The following GPC3 variants were observed in gnomAD, a reference collection of about 807,000 sequenced individuals.
GPC3 encodes the protein glypican 3.
In GPC3, 3 loss-of-function variants were observed where a neutral mutation model predicts 34.4. That is an observed-to-expected ratio of 0.09 (90% confidence interval 0.04 to 0.23). The LOEUF is 0.23. Ranked by LOEUF, GPC3 falls within the 10% of genes least tolerant of loss-of-function variation. The pLI is 1.00. For missense variants in GPC3, 351 were observed against 445.6 expected, an observed-to-expected ratio of 0.79 and a Z score of 1.91; for synonymous variants, 177 against 174.0, an observed-to-expected ratio of 1.02 and a Z score of -0.13.
At position 133,776,878 on chromosome X, in the gene GPC3, C is replaced by CTTTTTTTT. The variant is rs10633635; in HGVS notation, c.338-22710_338-22703dup. Among the ~76,000 whole-genome samples the CTTTTTTTT allele has an allele frequency of 2.5e-3, 198 of 79,528 alleles. 1 individual carries two copies. Among genetic ancestry groups the CTTTTTTTT allele is most frequent in the Non-Finnish European group, 4.1e-3 (170 of 41,404 alleles). The allele number at this position is 79,528 out of a possible 115,157, so 69.1% of individuals were successfully genotyped here. A position where few individuals can be genotyped will look rare whatever the true frequency, so the allele number is the denominator to read the frequency against. ...AGGAAGTAGTCACGTCCTTTCTTTT[C>CTTTTTTTT]TTTTTTTTTTTTTTTTTTTGAGATG... On this transcript the variant is annotated intron_variant, in intron 2 of 7. Transcript: ENST00000370818.
intron 1 of GPC3, among the ~76,000 whole-genome samples, chrX:133,978,712 CCGTT>C (rs1252606886): frequency 8.9e-6 from 1 of 111,918 alleles, no homozygotes; most frequent in African/African-American, 3.2e-5. Context: ...ATTTCTAACT[CCGTT>C]CATTCATTCA....
At chrX:133,673,190 G>T (rs1262994670) in intron 5 of GPC3, among the ~76,000 whole-genome samples, 1 of 111,511 alleles carries the variant, frequency 9.0e-6, no homozygotes, top group Middle Eastern at 4.3e-3. Context: ...CACCTGCCTC[G>T]GCCTCCCAAA....
chrX:133,538,617 A>AT (rs34180192), intron 7 of GPC3, among the ~76,000 whole-genome samples: 4,255 of 93,018 alleles, frequency 0.046, 110 homozygotes, highest in Middle Eastern at 0.11. Context: ...GTTGTGTCTA[A>AT]TTTTTTTTTT....
intron 3 of GPC3, among the ~76,000 whole-genome samples, chrX:133,710,821 CACAA>C (rs1461919916): frequency 8.9e-6 from 1 of 112,077 alleles, no homozygotes; most frequent in Non-Finnish European, 1.9e-5. Context: ...TTATATCTGC[CACAA>C]ACAGAGTCTG....
At chrX:133,769,380 T>C (rs2071889148) in intron 2 of GPC3, among the ~76,000 whole-genome samples, 1 of 112,186 alleles carries the variant, frequency 8.9e-6, no homozygotes, top group African/African-American at 3.2e-5. Context: ...AGATCTTATG[T>C]CAAGTGTTCT....
At chrX:133,761,822 C>T (rs1453711962) in intron 2 of GPC3, among the ~76,000 whole-genome samples, 9 of 111,701 alleles carry the variant, frequency 8.1e-5, no homozygotes, top group Non-Finnish European at 1.3e-4. Flanking sequence ...CTTCTGGACA[C>T]CATAATTTGG....
In GPC3 at chrX:133,661,847, G is replaced by A. The variant is rs946461494; in HGVS notation, c.1296C>T (p.Tyr432=). 1.3e-5 allele frequency: 16 copies of A among 1,195,627 alleles called. No individual in the cohort carries two copies. The highest frequency in any genetic ancestry group is 4.6e-4 in the Middle Eastern group (2 of 4,340). Residue 432 remains tyrosine, a synonymous_variant, in exon 6 of 8, where the codon TAC becomes TAT. Coordinates refer to ENST00000370818, the MANE Select transcript of GPC3 (RefSeq NM_004484.4). ...CWNGQELVER[Y]SQKAARNGMK... ...TTCCATTCCTTGCTGCCTTTTGGCTGTATCTGTAAAGGTGAAGGTAAAGAA... is the reference window on the plus strand; with the variant it reads ...TTCCATTCCTTGCTGCCTTTTGGCTATATCTGTAAAGGTGAAGGTAAAGAA...
At chrX:133,624,846 G>T (rs2070281241) in intron 6 of GPC3, among the ~76,000 whole-genome samples, 1 of 110,162 alleles carries the variant, frequency 9.1e-6, no homozygotes, top group Admixed American at 9.7e-5. Context: ...AAGCCTGGCA[G>T]TGACACAACA....
Position 133,977,950 on chromosome X carries a change from T to C in GPC3, c.175+7325A>G, listed in dbSNP as rs755260057. On this transcript the variant is annotated intron_variant, in intron 1 of 7. Coordinates refer to ENST00000370818, the MANE Select transcript of GPC3 (RefSeq NM_004484.4). ...TTTTTAAATTTTATTTATTTATTTTTGAGACAGAGTCTTCCTCTGTCGCCC... is the reference window on the plus strand; with the variant it reads ...TTTTTAAATTTTATTTATTTATTTTCGAGACAGAGTCTTCCTCTGTCGCCC... Among the ~76,000 whole-genome samples the C allele has an allele frequency of 4.5e-5, 5 of 111,961 alleles. No individual in the cohort carries two copies. The East Asian group carries it at 1.4e-3, about 31-fold the overall frequency.
intron 1 of GPC3, among the ~76,000 whole-genome samples, chrX:133,966,184 T>C (rs1209778471): frequency 8.9e-6 from 1 of 112,462 alleles, no homozygotes; most frequent in African/African-American, 3.2e-5. Context: ...AAAAGCCTCA[T>C]TCTCACTGCT....
chrX:133,861,859 C>T (rs762007755), intron 2 of GPC3, among the ~76,000 whole-genome samples: 11 of 111,750 alleles, frequency 9.8e-5, no homozygotes, highest in Non-Finnish European at 1.9e-4. Context: ...CAGATGCTAG[C>T]ACAATGCTTC....
chrX:133,954,136 G>C (rs1181555165), intron 1 of GPC3, among the ~76,000 whole-genome samples: 1 of 111,789 alleles, frequency 8.9e-6, no homozygotes, highest in Non-Finnish European at 1.9e-5. Flanking sequence ...TAGAGTGACA[G>C]AAAGCAGTTC....
At chrX:133,643,934 T>C (rs1280860924) in intron 6 of GPC3, among the ~76,000 whole-genome samples, 1 of 108,419 alleles carries the variant, frequency 9.2e-6, no homozygotes, top group African/African-American at 3.4e-5. Context: ...TTCAAGCGAT[T>C]CTTGTGCCTC....
In GPC3 at chrX:133,753,726, G is replaced by A; in HGVS notation, c.788C>T (p.Ser263Phe). The change falls in exon 3 of 8, where the codon TCT (serine) becomes TTT (phenylalanine). Residue 263 changes from serine to phenylalanine, a missense_variant. Ser to Phe is a radical substitution (Grantham distance 155). Transcript: ENST00000370818. ...GRMLTRMWYC[S>F]YCQGLMMVKP... is the part of the protein sequence containing the mutation. ...AACCATCATCAGTCCCTGGCAGTAA[G>A]AGCAGTACCACATTCTGGTGAGCAT... is the stretch of plus-strand genomic sequence containing the variant. 8.3e-7 allele frequency: 1 copy of A among 1,211,240 alleles called. No homozygotes were observed. The highest frequency in any genetic ancestry group is 1.1e-6 in the Non-Finnish European group (1 of 894,928).
At chrX:133,810,845 G>A (rs2075660826) in intron 2 of GPC3, among the ~76,000 whole-genome samples, 1 of 85,369 alleles carries the variant, frequency 1.2e-5, no homozygotes, top group Admixed American at 1.6e-4. Context: ...GCGGGTGATA[G>A]AGCAAGACTC....
intron 4 of GPC3, among the ~76,000 whole-genome samples, chrX:133,695,979 T>C (rs914729319): frequency 8.0e-5 from 9 of 111,810 alleles, no homozygotes; most frequent in African/African-American, 2.9e-4. Context: ...GAATCCAAGG[T>C]AGATTTGACT....
chrX:133,926,627 T>A (rs1439391541), intron 2 of GPC3, among the ~76,000 whole-genome samples: 1 of 112,096 alleles, frequency 8.9e-6, no homozygotes, highest in Non-Finnish European at 1.9e-5. Context: ...CAGACTGACG[T>A]CAATGTTTGA....
In GPC3 at chrX:133,944,410, C is replaced by T. The variant is rs182100950; in HGVS notation, c.337+8640G>A. Among the ~76,000 whole-genome samples, 230 of 112,073 alleles carry T rather than the reference C, an allele frequency of 2.1e-3. 1 individual carries two copies. The highest frequency in any genetic ancestry group is 3.3e-3 in the Non-Finnish European group (176 of 53,208). Reference sequence around the variant, plus strand: ...AGGAGTGTCATAAGCATTCCAATTTCCTTTCAACATTTTTGTTCTCCTTCT... The same window carrying T: ...AGGAGTGTCATAAGCATTCCAATTTTCTTTCAACATTTTTGTTCTCCTTCT... On this transcript the variant is annotated intron_variant, in intron 2 of 7. Transcript: ENST00000370818.
chrX:133,665,731 G>A (rs753551812), intron 5 of GPC3, among the ~76,000 whole-genome samples: 3 of 112,033 alleles, frequency 2.7e-5, no homozygotes, highest in Middle Eastern at 4.7e-3. Context: ...TCTTTATCTG[G>A]TGGGTATCAG....
Sources: allele counts gnomAD v4.1 joint callset (sites outside exome capture counted in the v4.1 genomes callset), GRCh38; gene constraint gnomAD v4.1.1; transcripts MANE v1.5; gene names NCBI Gene and HGNC (gene_info 2026-07-23, HGNC 2026-07-21).